STPG1: variants seen among roughly 807,000 people sequenced by gnomAD.
The protein encoded by STPG1 is O(6)-methylguanine-induced apoptosis 2.
A neutral mutation model predicts 40.1 loss-of-function variants in STPG1; 33 were observed. The observed-to-expected ratio is 0.82, with a 90% confidence interval of 0.62 to 1.10. STPG1 has a LOEUF of 1.10. STPG1 is among the 50% of genes least tolerant of loss of function. The pLI, the probability that STPG1 is intolerant of heterozygous loss-of-function variation, is 0.00. For missense variants in STPG1, 396 were observed against 415.1 expected, an observed-to-expected ratio of 0.95 and a Z score of 0.40; for synonymous variants, 150 against 155.0, an observed-to-expected ratio of 0.97 and a Z score of 0.24.
rs1005486996 is a variant in STPG1 at position 24,396,059 on chromosome 1, T to G, written c.71-4380A>C. ...TATACCATATGTACAAGTAAAATGTTTAACAACAATAACATAAAGGCCAGG... is the reference window on the plus strand; with the variant it reads ...TATACCATATGTACAAGTAAAATGTGTAACAACAATAACATAAAGGCCAGG... On this transcript the variant is annotated intron_variant, in intron 2 of 8. Coordinates refer to ENST00000337248, the MANE Select transcript of STPG1 (RefSeq NM_001199013.2). Among the ~76,000 whole-genome samples, 4 of 152,148 alleles carry G rather than the reference T, an allele frequency of 2.6e-5. No homozygotes were observed. In the South Asian group the frequency reaches 8.3e-4, roughly 32 times the overall value.
At chr1:24,400,036 A>C (rs1643158198) in intron 2 of STPG1, among the ~76,000 whole-genome samples, 1 of 152,250 alleles carries the variant, frequency 6.6e-6, no homozygotes, top group Non-Finnish European at 1.5e-5. Context: ...TAGACCCATG[A>C]AATACATAAA....
intron 1 of STPG1, among the ~76,000 whole-genome samples, chr1:24,412,962 T>C (rs1643779755): frequency 2.0e-5 from 3 of 152,256 alleles, no homozygotes; most frequent in African/African-American, 7.2e-5. Flanking sequence ...TTATACATGT[T>C]ACTGTACAGG....
At chr1:24,360,818 G>T in intron 8 of STPG1, 33 bp downstream of exon 8, 1 of 1,552,584 alleles carries the variant, frequency 6.4e-7, no homozygotes, top group Non-Finnish European at 8.7e-7. Context: ...CAGAAGATTT[G>T]GTTTTTACAA....
intron 2 of STPG1, chr1:24,392,189 T>G (rs1642801531): frequency 1.9e-6 from 1 of 518,916 alleles, no homozygotes; most frequent in African/African-American, 2.1e-5. Context: ...CGTTTCTGTT[T>G]TGAGCAGACA....
chr1:24,364,440 T>C (rs1641324715), intron 7 of STPG1: 1 of 1,453,574 alleles, frequency 6.9e-7, no homozygotes, highest in Non-Finnish European at 9.1e-7. Context: ...GCTCAGAGTA[T>C]GTGGCCCCTG....
Position 24,411,158 on chromosome 1 carries a change from C to T in STPG1, c.-69+2516G>A, listed in dbSNP as rs1254464276. 2.0e-5 allele frequency among the ~76,000 whole-genome samples: 3 copies of T among 152,252 alleles called. No homozygotes were observed. In the East Asian group the frequency reaches 5.8e-4, roughly 29 times the overall value. ...AAAATAATAGCTATCATTTATTGAG[C>T]CTGCACAGTCCTAAATGCCTTCTAT... On this transcript the variant is annotated intron_variant, in intron 1 of 8. Transcript: ENST00000337248.
intron 1 of STPG1, among the ~76,000 whole-genome samples, chr1:24,411,343 C>T (rs976627652): frequency 6.6e-6 from 1 of 152,180 alleles, no homozygotes; most frequent in Non-Finnish European, 1.5e-5. Flanking sequence ...CTGACTTCTA[C>T]TCACTCCTTA....
rs1294830452 is a variant in STPG1 at position 24,379,737 on chromosome 1, A to G, written c.378T>C (p.Phe126=). ...IPSDFISKRD[F]SNSCSSMFQL... ...GGAACATGCTGGAACACGAATTACT[A>G]AAGTCTCTCTTGGAAATAAAATCCG... Residue 126 remains phenylalanine, a synonymous_variant, in exon 5 of 9, where the codon TTT becomes TTC. Coordinates refer to ENST00000337248, the MANE Select transcript of STPG1 (RefSeq NM_001199013.2). 1.9e-6 allele frequency: 3 copies of G among 1,614,082 alleles called. No homozygotes were observed. The highest frequency in any genetic ancestry group is 1.3e-5 in the African/African-American group (1 of 74,934).
chr1:24,361,797 T>G (rs1048380343), intron 7 of STPG1, among the ~76,000 whole-genome samples: 3 of 152,156 alleles, frequency 2.0e-5, no homozygotes, highest in Non-Finnish European at 4.4e-5. Context: ...GACCTGTACT[T>G]GAGTCCTAGC....
At chr1:24,372,958 A>T (rs563311333) in intron 6 of STPG1, among the ~76,000 whole-genome samples, 1 of 152,170 alleles carries the variant, frequency 6.6e-6, no homozygotes, top group Non-Finnish European at 1.5e-5. Flanking sequence ...CCCTTCCCCA[A>T]GGCCGGCAGG....
chr1:24,372,454 G>A (rs1048126436), intron 6 of STPG1, among the ~76,000 whole-genome samples: 6 of 152,172 alleles, frequency 3.9e-5, no homozygotes, highest in Non-Finnish European at 7.3e-5. Flanking sequence ...TAAGGGGCTG[G>A]GGGCTTCTCA....
At chr1:24,358,974 C>CCATAAAAG (rs1246543548) in intron 8 of STPG1, among the ~76,000 whole-genome samples, 1 of 152,136 alleles carries the variant, frequency 6.6e-6, no homozygotes, top group Non-Finnish European at 1.5e-5. Context: ...TCAGGGGTTT[C>CCATAAAAG]CATAAAAGCA....
chr1:24,400,279 A>G (rs1349157378), intron 2 of STPG1, among the ~76,000 whole-genome samples: 1 of 152,216 alleles, frequency 6.6e-6, no homozygotes, highest in East Asian at 1.9e-4. Context: ...TATGATTCAC[A>G]TTTACATAAC....
intron 2 of STPG1, 146 bp from the exon 3 acceptor site, chr1:24,391,825 G>A (rs1473702325): frequency 1.5e-5 from 18 of 1,209,004 alleles, no homozygotes; most frequent in Non-Finnish European, 1.8e-5. Flanking sequence ...CACGAAACCG[G>A]ATTAAAAAAA....
At chr1:24,381,749 G>A (rs1451338735) in intron 4 of STPG1, among the ~76,000 whole-genome samples, 2 of 152,104 alleles carry the variant, frequency 1.3e-5, no homozygotes, top group Non-Finnish European at 2.9e-5. Context: ...CATTCCTACT[G>A]GTCATTCTGA....
At chr1:24,373,433 T>C (rs1290333739) in intron 6 of STPG1, among the ~76,000 whole-genome samples, 1 of 152,184 alleles carries the variant, frequency 6.6e-6, no homozygotes, top group African/African-American at 2.4e-5. Context: ...ACTTCTCCAC[T>C]TGGCTGCCCA....
chr1:24,402,749 A>C (rs1177793248), intron 1 of STPG1, among the ~76,000 whole-genome samples: 3 of 150,658 alleles, frequency 2.0e-5, no homozygotes, highest in African/African-American at 7.4e-5. Context: ...CTATCTCAAA[A>C]AAAAAAAACA....
chr1:24,396,836 C>A (rs1643026011), intron 2 of STPG1, among the ~76,000 whole-genome samples: 1 of 152,064 alleles, frequency 6.6e-6, no homozygotes, highest in Non-Finnish European at 1.5e-5. Flanking sequence ...AACTTATACA[C>A]CAATAATCAC....
At chr1:24,369,936 G>A (rs756141949) in intron 6 of STPG1, 97 bp from the exon 7 acceptor site, 9 of 1,089,282 alleles carry the variant, frequency 8.3e-6, no homozygotes, top group Non-Finnish European at 1.0e-5. Flanking sequence ...TGGCTGCAAG[G>A]CACCATCACT....
Sources: gnomAD v4.1 joint callset for allele counts (sites outside exome capture counted in the v4.1 genomes callset) on GRCh38, gnomAD v4.1.1 for gene constraint, MANE v1.5 for transcripts, NCBI Gene and HGNC (gene_info 2026-07-23, HGNC 2026-07-21) for gene names.